Variants in EHMT1 observed in about 807,000 individuals in gnomAD.
EHMT1 encodes histone-lysine N-methyltransferase EHMT1.
Under a neutral mutation model 147.2 loss-of-function variants are expected in EHMT1, and 15 were observed. The ratio of observed to expected loss-of-function variants is 0.10; its 90% CI spans 0.07 to 0.16. EHMT1 has a LOEUF of 0.16. EHMT1 is among the 10% of genes least tolerant of loss of function. The pLI is 1.00. For missense variants in EHMT1, 1,587 were observed against 1,772.4 expected (o/e 0.90, Z 1.88); for synonymous variants, 795 against 709.6 (o/e 1.12, Z -1.91).
At chr9:137,831,261 A>G (rs1271369033) in intron 25 of EHMT1, among the ~76,000 whole-genome samples, 1 of 152,122 alleles carries the variant, frequency 6.6e-6, no homozygotes, top group Non-Finnish European at 1.5e-5. Flanking sequence ...ACTCAAGTAG[A>G]TTTCTTATTC....
At chr9:137,643,679 T>C (rs1844675664) in intron 1 of EHMT1, among the ~76,000 whole-genome samples, 1 of 152,128 alleles carries the variant, frequency 6.6e-6, no homozygotes, top group African/African-American at 2.4e-5. Flanking sequence ...CTGAGGGTAT[T>C]GTCTGGCTGC....
At chr9:137,688,044 G>A (rs1376566258) in intron 1 of EHMT1, among the ~76,000 whole-genome samples, 6 of 152,058 alleles carry the variant, frequency 3.9e-5, no homozygotes, top group Non-Finnish European at 7.4e-5. Flanking sequence ...ATTTTTTTTA[G>A]ATGGAGTCTT....
Position 137,622,003 on chromosome 9 carries a change from T to C in EHMT1, c.21+2954T>C, listed in dbSNP as rs1842966993. Among the ~76,000 whole-genome samples, 5 of 152,032 alleles carry C rather than the reference T, an allele frequency of 3.3e-5. 1 individual carries two copies. The South Asian group carries it at 1.0e-3, about 32-fold the overall frequency. On this transcript the variant is annotated intron_variant, in intron 1 of 26. Transcript: ENST00000460843. ...ATTATACTTTAAGTTTTAGGGTACA[T>C]GTGCACAACGTGCAGGTTTGTTACA...
At position 137,835,811 on chromosome 9, in the gene EHMT1, G is replaced by A. The variant is rs1226069239; in HGVS notation, c.*858G>A. On this transcript the variant is annotated 3_prime_UTR_variant, in exon 27 of 27. Coordinates refer to ENST00000460843, the MANE Select transcript of EHMT1 (RefSeq NM_024757.5). ...CTATCAACTGTATAAAGAGAACAAA[G>A]TGATTTTAGAATAAAATGCAGGAAA... The A allele has an allele frequency of 6.6e-6, 1 of 152,556 alleles. No homozygotes were observed. Among genetic ancestry groups the A allele is most frequent in the Non-Finnish European group, 1.5e-5 (1 of 68,042 alleles). 9.5% of individuals were successfully genotyped at this position (152,556 alleles called of 1,614,324 possible).
At chr9:137,795,200 A>G (rs780213470) in intron 16 of EHMT1, 2 of 152,190 alleles carry the variant, frequency 1.3e-5, no homozygotes, top group African/African-American at 2.4e-5. Context: ...TAAGCTTCCA[A>G]ATCAAGGCCA....
intron 8 of EHMT1, among the ~76,000 whole-genome samples, chr9:137,755,706 C>A (rs1375400400): frequency 6.6e-6 from 1 of 152,178 alleles, no homozygotes; most frequent in Non-Finnish European, 1.5e-5. Flanking sequence ...CATTCCAGTT[C>A]CCCTCTGTCC....
chr9:137,669,336 G>GCACTCACT lies in EHMT1; in HGVS notation c.22-41631_22-41630insCACTCACT, dbSNP rs1564562348. On this transcript the variant is annotated intron_variant, in intron 1 of 26. Coordinates refer to ENST00000460843, the MANE Select transcript of EHMT1 (RefSeq NM_024757.5). The stretch of plus-strand genomic sequence containing the variant: ...CTGGAAAGACGCCCCCACAGCACGT[G>GCACTCACT]GACCCCACACCACCCAAGACGCTCC... Among the ~76,000 whole-genome samples, 2 of 22,188 alleles carry GCACTCACT rather than the reference G, an allele frequency of 9.0e-5. 1 individual carries two copies. The highest frequency in any genetic ancestry group is 1.7e-4 in the Non-Finnish European group (2 of 11,888). 14.6% of individuals were successfully genotyped at this position (22,188 alleles called of 152,430 possible).
At chr9:137,721,636 G>T (rs1227786318) in intron 3 of EHMT1, among the ~76,000 whole-genome samples, 3 of 142,450 alleles carry the variant, frequency 2.1e-5, no homozygotes, top group Non-Finnish European at 4.6e-5. Flanking sequence ...CCTCTCCCAC[G>T]CCTCTCACTC....
chr9:137,720,112 C>G (rs1054802999), intron 3 of EHMT1, among the ~76,000 whole-genome samples: 1 of 134,006 alleles, frequency 7.5e-6, no homozygotes, highest in Non-Finnish European at 1.6e-5. Flanking sequence ...CCCCTCCACA[C>G]CAGGGCACAG....
At chr9:137,790,743 CA>C in intron 15 of EHMT1, 104 bp from the exon 16 acceptor site, 2 of 1,525,948 alleles carry the variant, frequency 1.3e-6, no homozygotes, top group Non-Finnish European at 1.8e-6. Flanking sequence ...GTCACTGAAA[CA>C]GTGCAGCTCT....
At chr9:137,631,766 T>G (rs1843646328) in intron 1 of EHMT1, among the ~76,000 whole-genome samples, 1 of 152,098 alleles carries the variant, frequency 6.6e-6, no homozygotes, top group African/African-American at 2.4e-5. Context: ...TAGACCCAGC[T>G]ACTCCGGGAG....
rs148252874 is a variant in EHMT1, at chr9:137,631,261, G to A, written c.21+12212G>A. Among the ~76,000 whole-genome samples, 309 of 151,998 alleles carry A rather than the reference G, an allele frequency of 2.0e-3. 2 individuals carry two copies. Among genetic ancestry groups the A allele is most frequent in the African/African-American group, 7.2e-3 (299 of 41,446 alleles). On this transcript the variant is annotated intron_variant, in intron 1 of 26. Coordinates refer to ENST00000460843, the MANE Select transcript of EHMT1 (RefSeq NM_024757.5). ...AAAAAAATTAGCCGGGCGTGATGGC[G>A]GGCGCCTGTAATCCCAGCTACTCGG...
At chr9:137,671,840 C>T (rs1940695062) in intron 1 of EHMT1, among the ~76,000 whole-genome samples, 1 of 152,180 alleles carries the variant, frequency 6.6e-6, no homozygotes, top group Admixed American at 6.5e-5. Flanking sequence ...GAATCCTATA[C>T]TTGGAATCCT....
intron 3 of EHMT1, among the ~76,000 whole-genome samples, chr9:137,726,323 C>T (rs973240365): frequency 3.9e-5 from 6 of 152,154 alleles, no homozygotes; most frequent in Non-Finnish European, 4.4e-5. Flanking sequence ...TTTCTGTGTC[C>T]ATCAGTTGGA....
intron 1 of EHMT1, among the ~76,000 whole-genome samples, chr9:137,629,555 A>G (rs2501549): frequency 0.19 from 29,436 of 151,448 alleles, 3,239 homozygotes; most frequent in Admixed American, 0.31. Flanking sequence ...CACCATGCCT[A>G]GCTAATTTTT....
intron 16 of EHMT1, among the ~76,000 whole-genome samples, chr9:137,796,633 G>C (rs921177428): frequency 2.0e-5 from 3 of 151,078 alleles, no homozygotes; most frequent in African/African-American, 7.3e-5. Flanking sequence ...GAACCTGGGA[G>C]GCGGCATTGG....
rs1465226314 is a variant in EHMT1 at position 137,799,032 on chromosome 9, C to T, written c.2607+118C>T. The T allele has an allele frequency of 5.7e-5, 48 of 843,562 alleles. No individual in the cohort carries two copies. The Middle Eastern group carries it at 1.0e-3, about 18-fold the overall frequency. 52.3% of individuals were successfully genotyped at this position (843,562 alleles called of 1,614,324 possible). A position where few individuals can be genotyped will look rare whatever the true frequency, so the allele number is the denominator to read the frequency against. ...TGGCGTCCCCTCCCACGCACAGAGC[C>T]AGCTCGGGCCCTCCAGCGTCCTCTT... On this transcript the variant is annotated intron_variant, in intron 17 of 26. Transcript: ENST00000460843.
At chr9:137,646,785 T>G (rs1170608002) in intron 1 of EHMT1, among the ~76,000 whole-genome samples, 1 of 152,212 alleles carries the variant, frequency 6.6e-6, no homozygotes, top group Non-Finnish European at 1.5e-5. Context: ...TATCTCCTAC[T>G]GTCTTTGAAA....
At chr9:137,684,779 C>T (rs1942279203) in intron 1 of EHMT1, among the ~76,000 whole-genome samples, 1 of 152,160 alleles carries the variant, frequency 6.6e-6, no homozygotes, top group Non-Finnish European at 1.5e-5. Flanking sequence ...GCATGAGCCA[C>T]CATACCCAGC....
Sources: gnomAD v4.1 joint callset for allele counts (sites outside exome capture counted in the v4.1 genomes callset) on GRCh38, gnomAD v4.1.1 for gene constraint, MANE v1.5 for transcripts, NCBI Gene and HGNC (gene_info 2026-07-23, HGNC 2026-07-21) for gene names.